Variants in CLSTN2 observed in about 807,000 individuals in gnomAD.
CLSTN2 encodes the protein calsyntenin 2.
In CLSTN2, 48 loss-of-function variants were observed where a neutral mutation model predicts 101.2. The observed-to-expected ratio is 0.47, with a 90% CI of 0.38 to 0.60. CLSTN2 has a LOEUF of 0.60. Ranked by LOEUF, CLSTN2 falls within the 20% of genes least tolerant of loss-of-function variation. The pLI is 0.00. For missense variants in CLSTN2, 1,160 were observed against 1,238.2 expected, an observed-to-expected ratio of 0.94 and a Z score of 0.95; for synonymous variants, 481 against 463.6, an observed-to-expected ratio of 1.04 and a Z score of -0.48.
intron 5 of CLSTN2, among the ~76,000 whole-genome samples, chr3:140,426,996 G>A (rs115675133): frequency 0.013 from 2,033 of 151,468 alleles, 45 homozygotes; most frequent in African/African-American, 0.047. Flanking sequence ...CCAACATGGC[G>A]AATCCCTGTC....
At chr3:140,097,552 C>G (rs2008888996) in intron 1 of CLSTN2, among the ~76,000 whole-genome samples, 1 of 152,218 alleles carries the variant, frequency 6.6e-6, no homozygotes, top group Admixed American at 6.5e-5. Flanking sequence ...AAAAATCACA[C>G]AAATCATTCA....
chr3:140,404,906 G>C, intron 4 of CLSTN2, 140 bp downstream of exon 4: 1 of 719,376 alleles, frequency 1.4e-6, no homozygotes, highest in Non-Finnish European at 2.4e-6. Context: ...ATAACCCAGA[G>C]CTCAGTCCCA....
chr3:140,014,367 T>C (rs1834496), intron 1 of CLSTN2, among the ~76,000 whole-genome samples: 89,174 of 151,744 alleles, frequency 0.59, 27,198 homozygotes, highest in Middle Eastern at 0.75. Flanking sequence ...TACAGGTGCA[T>C]GCTACCATGC....
chr3:140,189,768 A>C (rs141712483), intron 2 of CLSTN2, among the ~76,000 whole-genome samples: 10 of 152,262 alleles, frequency 6.6e-5, no homozygotes, highest in Admixed American at 2.6e-4. Context: ...TTTTTTGCCT[A>C]TGGATATCTA....
chr3:139,962,673 G>C (rs1316562919), intron 1 of CLSTN2, among the ~76,000 whole-genome samples: 5 of 151,978 alleles, frequency 3.3e-5, no homozygotes, highest in Non-Finnish European at 4.4e-5. Context: ...TTTTCGTTTG[G>C]CTTCTTTTAC....
intron 1 of CLSTN2, among the ~76,000 whole-genome samples, chr3:140,141,982 C>CA (rs1171237728): frequency 1.3e-5 from 2 of 152,104 alleles, no homozygotes; most frequent in East Asian, 1.9e-4. Context: ...AAAAAATAAG[C>CA]AAAAAAATGG....
intron 2 of CLSTN2, among the ~76,000 whole-genome samples, chr3:140,259,261 A>G (rs369668135): frequency 6.6e-6 from 1 of 151,836 alleles, no homozygotes; most frequent in Admixed American, 6.6e-5. Context: ...ATCACCTGAG[A>G]TCAGGGGTTC....
chr3:140,526,406 A>T (rs993293900), intron 8 of CLSTN2, among the ~76,000 whole-genome samples: 1 of 152,188 alleles, frequency 6.6e-6, no homozygotes, highest in Non-Finnish European at 1.5e-5. Context: ...TGCTGAAAGA[A>T]ATCAGAGATG....
chr3:140,007,454 C>T (rs994901157), intron 1 of CLSTN2, among the ~76,000 whole-genome samples: 2 of 152,214 alleles, frequency 1.3e-5, no homozygotes, highest in African/African-American at 4.8e-5. Flanking sequence ...AGCCTTTCCC[C>T]TTCCCCCATC....
chr3:140,089,177 C>A (rs968019550), intron 1 of CLSTN2, among the ~76,000 whole-genome samples: 2 of 152,192 alleles, frequency 1.3e-5, no homozygotes, highest in Admixed American at 6.5e-5. Flanking sequence ...GGGCTCACAC[C>A]TTTTACCTCA....
chr3:139,986,049 AT>A (rs2107825953), intron 1 of CLSTN2, among the ~76,000 whole-genome samples: 1 of 152,276 alleles, frequency 6.6e-6, no homozygotes, highest in South Asian at 2.1e-4. Context: ...ATTATCTAGC[AT>A]TTCAGTTCTT....
At chr3:140,550,109 T>A (rs972585775) in intron 10 of CLSTN2, among the ~76,000 whole-genome samples, 47 of 151,652 alleles carry the variant, frequency 3.1e-4, no homozygotes, top group African/African-American at 1.1e-3. Context: ...ACTCCTAGGT[T>A]CAAATCACTG....
At chr3:140,139,115 T>A (rs1194221253) in intron 1 of CLSTN2, among the ~76,000 whole-genome samples, 1 of 152,114 alleles carries the variant, frequency 6.6e-6, no homozygotes, top group Non-Finnish European at 1.5e-5. Context: ...GCCTAGCACA[T>A]GGTAGGTGCA....
chr3:139,981,630 A>C (rs964363304), intron 1 of CLSTN2, among the ~76,000 whole-genome samples: 3 of 152,248 alleles, frequency 2.0e-5, no homozygotes, highest in African/African-American at 7.2e-5. Context: ...CAAAGGAACA[A>C]AAAGAGTTCA....
intron 1 of CLSTN2, among the ~76,000 whole-genome samples, chr3:140,014,985 C>A (rs1306720315): frequency 6.6e-6 from 1 of 152,202 alleles, no homozygotes; most frequent in African/African-American, 2.4e-5. Context: ...CAGATGCTAG[C>A]AGAGACACGG....
At chr3:139,941,339 A>G (rs1372457238) in intron 1 of CLSTN2, among the ~76,000 whole-genome samples, 2 of 152,082 alleles carry the variant, frequency 1.3e-5, no homozygotes, top group Non-Finnish European at 2.9e-5. Flanking sequence ...GTCAGAGGAG[A>G]ATGGTTAGAA....
intron 1 of CLSTN2, among the ~76,000 whole-genome samples, chr3:139,982,437 C>A (rs981475266): frequency 3.9e-5 from 6 of 151,952 alleles, no homozygotes; most frequent in African/African-American, 1.5e-4. Flanking sequence ...TCAGATGCTT[C>A]TGTGGGGGCT....
At chr3:140,213,898 G>A (rs1009811218) in intron 2 of CLSTN2, among the ~76,000 whole-genome samples, 6 of 152,272 alleles carry the variant, frequency 3.9e-5, no homozygotes, top group African/African-American at 1.4e-4. Flanking sequence ...AAGTAGAAGA[G>A]GATTTGCTGG....
chr3:140,401,324 CT>C (rs1266676282), intron 2 of CLSTN2, among the ~76,000 whole-genome samples: 1 of 152,170 alleles, frequency 6.6e-6, no homozygotes, highest in Non-Finnish European at 1.5e-5. Flanking sequence ...GTAAGAAGTA[CT>C]TTAGGATAAA....
Sources: allele counts gnomAD v4.1 joint callset (sites outside exome capture counted in the v4.1 genomes callset), GRCh38; gene constraint gnomAD v4.1.1; transcripts MANE v1.5; gene names NCBI Gene and HGNC (gene_info 2026-07-23, HGNC 2026-07-21).